The following MDGA2 variants were observed in gnomAD, a reference collection of about 807,000 sequenced individuals.
MDGA2 encodes the protein MAM domain containing glycosylphosphatidylinositol anchor 2, also known as MAM domain-containing glycosylphosphatidylinositol anchor protein 2.
Under a neutral mutation model 117.8 loss-of-function variants are expected in MDGA2, and 40 were observed. That is an observed-to-expected ratio of 0.34 (90% CI 0.26 to 0.44). The LOEUF (loss-of-function observed/expected upper bound fraction) is 0.44. Ranked by LOEUF, MDGA2 falls within the 20% of genes least tolerant of loss-of-function variation. MDGA2 has a pLI of 1.00. For missense variants in MDGA2, 1,123 were observed against 1,250.6 expected, an observed-to-expected ratio of 0.90 and a Z score of 1.54; for synonymous variants, 452 against 439.0, an observed-to-expected ratio of 1.03 and a Z score of -0.37.
intron 1 of MDGA2, among the ~76,000 whole-genome samples, chr14:47,540,029 T>G (rs1895306261): frequency 6.6e-6 from 1 of 152,166 alleles, no homozygotes; most frequent in South Asian, 2.1e-4. Flanking sequence ...TTTCTTTTTT[T>G]TTTGAGACGG....
intron 9 of MDGA2, among the ~76,000 whole-genome samples, chr14:46,948,551 G>A (rs1256103229): frequency 6.6e-6 from 1 of 151,932 alleles, no homozygotes; most frequent in Admixed American, 6.6e-5. Flanking sequence ...CTTGGGTGTG[G>A]TCTAGCTTGA....
intron 10 of MDGA2, among the ~76,000 whole-genome samples, chr14:46,900,775 CA>C (rs1883253981): frequency 6.6e-6 from 1 of 152,056 alleles, no homozygotes; most frequent in African/African-American, 2.4e-5. Context: ...TATGGTTACA[CA>C]AAGCTACGCA....
At chr14:47,504,596 C>T (rs937362487) in intron 1 of MDGA2, among the ~76,000 whole-genome samples, 6 of 151,832 alleles carry the variant, frequency 4.0e-5, no homozygotes, top group African/African-American at 1.5e-4. Context: ...TTCAAAAATG[C>T]CCATTACTGA....
chr14:47,119,103 T>C (rs1228557880), intron 5 of MDGA2, among the ~76,000 whole-genome samples: 3 of 128,004 alleles, frequency 2.3e-5, no homozygotes, highest in Non-Finnish European at 4.7e-5. Context: ...CAGGCTGGAG[T>C]GCAGTGGCGC....
chr14:47,216,844 C>T (rs1886107432), intron 3 of MDGA2, among the ~76,000 whole-genome samples: 1 of 151,940 alleles, frequency 6.6e-6, no homozygotes, highest in South Asian at 2.1e-4. Flanking sequence ...CAGGTGTGGT[C>T]AACCTGTGCA....
At chr14:46,861,081 C>A (rs950815808) in intron 14 of MDGA2, among the ~76,000 whole-genome samples, 1 of 151,712 alleles carries the variant, frequency 6.6e-6, no homozygotes, top group African/African-American at 2.4e-5. Context: ...TTCTCTTATA[C>A]CCTTTCATAT....
At chr14:47,346,714 C>A (rs1164885173) in intron 1 of MDGA2, among the ~76,000 whole-genome samples, 1 of 152,116 alleles carries the variant, frequency 6.6e-6, no homozygotes, top group Admixed American at 6.5e-5. Context: ...TGTTAATTCA[C>A]TCAAGAAACA....
At chr14:46,966,573 C>T (rs1566550088) in intron 8 of MDGA2, among the ~76,000 whole-genome samples, 1 of 152,134 alleles carries the variant, frequency 6.6e-6, no homozygotes, top group African/African-American at 2.4e-5. Flanking sequence ...CAAATTCAAA[C>T]TGCAGTTTAT....
chr14:47,663,347 T>A (rs1241595903), intron 1 of MDGA2, among the ~76,000 whole-genome samples: 1 of 152,200 alleles, frequency 6.6e-6, no homozygotes, highest in Non-Finnish European at 1.5e-5. Flanking sequence ...CAGTCCTGAG[T>A]AAAGATTGCC....
chr14:47,308,264 A>G (rs1017756925), intron 1 of MDGA2, among the ~76,000 whole-genome samples: 2 of 152,142 alleles, frequency 1.3e-5, no homozygotes, highest in African/African-American at 4.8e-5. Flanking sequence ...CTCATATGTA[A>G]AAAGGAGTGA....
chr14:47,470,163 C>T (rs1030466466), intron 1 of MDGA2, among the ~76,000 whole-genome samples: 1 of 150,942 alleles, frequency 6.6e-6, no homozygotes, highest in Non-Finnish European at 1.5e-5. Flanking sequence ...AAGTGCAGAA[C>T]GTGCAGTTTT....
intron 2 of MDGA2, among the ~76,000 whole-genome samples, chr14:47,226,147 A>C (rs1886490302): frequency 6.6e-6 from 1 of 151,422 alleles, no homozygotes; most frequent in Non-Finnish European, 1.5e-5. Flanking sequence ...AAATAAAAAA[A>C]TTTCCTAGCT....
chr14:47,310,238 A>C (rs963997748), intron 1 of MDGA2, among the ~76,000 whole-genome samples: 1 of 152,138 alleles, frequency 6.6e-6, no homozygotes, highest in African/African-American at 2.4e-5. Flanking sequence ...GAGATGAAAA[A>C]AAAAGTTACA....
intron 2 of MDGA2, among the ~76,000 whole-genome samples, chr14:47,258,741 T>C (rs2139665866): frequency 6.7e-6 from 1 of 149,056 alleles, no homozygotes; most frequent in African/African-American, 2.5e-5. Context: ...TATTTTTTTT[T>C]CTAATAATTC....
intron 1 of MDGA2, among the ~76,000 whole-genome samples, chr14:47,424,284 G>C (rs1287538081): frequency 6.6e-6 from 1 of 152,050 alleles, no homozygotes; most frequent in Non-Finnish European, 1.5e-5. Context: ...ATTAGCTGGT[G>C]TGATGGTTTG....
At position 47,119,187 on chromosome 14, in the gene MDGA2, CA is replaced by C. The variant is rs67832429; in HGVS notation, c.925+12526del. ...TGCCTCAGCCCCGCCCCCCCCCCCC[CA>C]CCCCGTAGCTGGGACTACAGGCACC... On this transcript the variant is annotated intron_variant, in intron 5 of 16. Transcript: ENST00000399232. Among the ~76,000 whole-genome samples the C allele has an allele frequency of 2.0e-3, 139 of 68,286 alleles. 13 individuals are homozygous for C. The highest frequency in any genetic ancestry group is 8.4e-3 in the South Asian group (13 of 1,552). 44.8% of individuals were successfully genotyped at this position (68,286 alleles called of 152,430 possible). A position where few individuals can be genotyped will look rare whatever the true frequency, so the allele number is the denominator to read the frequency against.
At chr14:46,857,403 G>A (rs957571541) in intron 14 of MDGA2, among the ~76,000 whole-genome samples, 6 of 151,816 alleles carry the variant, frequency 4.0e-5, no homozygotes, top group East Asian at 1.9e-4. Flanking sequence ...TTTTTTCCAC[G>A]TATTAAAGGT....
In MDGA2 at chr14:47,435,812, C is replaced by T. The variant is rs1292954813; in HGVS notation, c.281-134262G>A. 2.0e-5 allele frequency among the ~76,000 whole-genome samples: 3 copies of T among 152,120 alleles called. No homozygotes were observed. In the East Asian group the frequency reaches 5.8e-4, roughly 30 times the overall value. ...TCATGACCAGGTTACTGAAAAAGTG[C>T]CCCCTGGACTTTATGCTTCTGGGCT... On this transcript the variant is annotated intron_variant, in intron 1 of 16. Transcript: ENST00000399232.
chr14:47,049,920 T>TCTAAA (rs1889396584), intron 7 of MDGA2, among the ~76,000 whole-genome samples: 1 of 152,030 alleles, frequency 6.6e-6, no homozygotes, highest in East Asian at 1.9e-4. Flanking sequence ...TGCAACCTTT[T>TCTAAA]CTAAAGCTTT....
Sources: allele counts gnomAD v4.1 joint callset (sites outside exome capture counted in the v4.1 genomes callset), GRCh38; gene constraint gnomAD v4.1.1; transcripts MANE v1.5; gene names NCBI Gene and HGNC (gene_info 2026-07-23, HGNC 2026-07-21).